The following CCDC14 variants were observed in gnomAD, a reference collection of about 807,000 sequenced individuals.
The protein encoded by CCDC14 is coiled-coil domain containing 14, also known as coiled-coil domain-containing protein 14.
Under a neutral mutation model 81.4 loss-of-function variants are expected in CCDC14, and 71 were observed. The observed-to-expected ratio is 0.87, with a 90% CI of 0.72 to 1.06. CCDC14 has a LOEUF of 1.06. Ranked by LOEUF, CCDC14 falls within the 50% of genes least tolerant of loss-of-function variation. The pLI is 0.00. For synonymous variants in CCDC14, 332 were observed against 364.8 expected, an observed-to-expected ratio of 0.91 and a Z score of 1.03; for missense variants, 1,046 against 1,047.3, an observed-to-expected ratio of 1.00 and a Z score of 0.02.
At chr3:123,932,469 A>G (rs573451335) in intron 10 of CCDC14, among the ~76,000 whole-genome samples, 3 of 152,240 alleles carry the variant, frequency 2.0e-5, no homozygotes, top group African/African-American at 7.2e-5. Context: ...ACATATTTAT[A>G]TATTAAGAAG....
At chr3:123,900,956 A>G (rs993504873) in intron 5 of CCDC14, among the ~76,000 whole-genome samples, 6 of 152,118 alleles carry the variant, frequency 3.9e-5, no homozygotes, top group Admixed American at 2.6e-4. Flanking sequence ...AGAGTAGGCC[A>G]GGCGCAGTGG....
chr3:123,893,214 C>T (rs72962714), downstream of CCDC14, among the ~76,000 whole-genome samples: 1,290 of 152,296 alleles, frequency 8.5e-3, 12 homozygotes, highest in African/African-American at 0.028. Flanking sequence ...AAACTTTGTA[C>T]ACATTAAGCA....
chr3:123,914,567 C>A lies in CCDC14; in HGVS notation c.*212G>T. ...CTTACAATAATTTCCTAGTTATCCA[C>A]AACTTTCTTCTTGTAGCAATTGTGA... On this transcript the variant is annotated 3_prime_UTR_variant, in exon 13 of 13. Transcript: ENST00000409697. The A allele has an allele frequency of 8.1e-7, 1 of 1,235,642 alleles. No individual in the cohort carries two copies. Among genetic ancestry groups the A allele is most frequent in the Non-Finnish European group, 1.0e-6 (1 of 988,332 alleles). 76.5% of individuals were successfully genotyped at this position (1,235,642 alleles called of 1,614,324 possible). A position where few individuals can be genotyped will look rare whatever the true frequency, so the allele number is the denominator to read the frequency against.
Position 123,931,231 on chromosome 3 carries a change from A to G in CCDC14, c.1649T>C (p.Leu550Ser), listed in dbSNP as rs1196313066. The change falls in exon 12 of 13, where the codon TTG (leucine) becomes TCG (serine). Residue 550 changes from leucine to serine, a missense_variant. Leu to Ser is a moderately radical substitution (Grantham distance 145, BLOSUM62 -2). Coordinates refer to ENST00000409697, the MANE Select transcript of CCDC14 (RefSeq NM_001366335.1). The part of the protein sequence containing the change: ...DIEITRIKIE[L>S]EEALVNVKSS... ...TTTCACATTGACTAGGGCTTCCTCCAATTCTAAAACAACAAAAGTTTCAGT... is the reference window on the plus strand; with the variant it reads ...TTTCACATTGACTAGGGCTTCCTCCGATTCTAAAACAACAAAAGTTTCAGT... 3 of 1,600,900 alleles carry G rather than the reference A, an allele frequency of 1.9e-6. No individual in the cohort carries two copies. In the Admixed American group the frequency reaches 5.3e-5, roughly 28 times the overall value.
At chr3:123,893,166 ACTAT>A (rs1190767354), downstream of CCDC14, among the ~76,000 whole-genome samples, 3 of 152,228 alleles carry the variant, frequency 2.0e-5, no homozygotes, top group African/African-American at 7.2e-5. Context: ...ATATTGTGTA[ACTAT>A]CTATTTCCAG....
chr3:123,918,089 G>C (rs1485855355), intron 12 of CCDC14, among the ~76,000 whole-genome samples: 1 of 152,046 alleles, frequency 6.6e-6, no homozygotes, highest in Non-Finnish European at 1.5e-5. Context: ...AAATAATCTA[G>C]ACTCAATATT....
chr3:123,885,547 C>T, the CCDC14 span, among the ~76,000 whole-genome samples: 4 of 151,448 alleles, frequency 2.6e-5, no homozygotes, highest in East Asian at 7.7e-4. Context: ...AACTTAAGCC[C>T]TTGATCTGTG....
intron 5 of CCDC14, among the ~76,000 whole-genome samples, chr3:123,899,514 C>T (rs1476279349): frequency 2.0e-5 from 3 of 152,228 alleles, no homozygotes; most frequent in Non-Finnish European, 2.9e-5. Context: ...ATGACACTGA[C>T]ACCCATCCAG....
intron 10 of CCDC14, among the ~76,000 whole-genome samples, chr3:123,932,349 T>G (rs930609008): frequency 6.6e-6 from 1 of 152,204 alleles, no homozygotes; most frequent in African/African-American, 2.4e-5. Context: ...CACCTTTGGT[T>G]AACAGTGGAG....
chr3:123,959,969 GA>G (rs1559813397), intron 1 of CCDC14, among the ~76,000 whole-genome samples: 1 of 151,900 alleles, frequency 6.6e-6, no homozygotes, highest in Non-Finnish European at 1.5e-5. Flanking sequence ...AACAAACCTG[GA>G]ATAAGCCTTT....
intron 1 of CCDC14, chr3:123,957,499 G>GTCTCTTTA (rs1347233007): frequency 6.6e-6 from 1 of 152,034 alleles, no homozygotes; most frequent in Non-Finnish European, 1.5e-5. Context: ...ACTCTACCCT[G>GTCTCTTTA]TCTCTTTATC....
the CCDC14 span, among the ~76,000 whole-genome samples, chr3:123,892,051 C>T: frequency 6.6e-6 from 1 of 152,200 alleles, no homozygotes; most frequent in South Asian, 2.1e-4. Flanking sequence ...ACCATCAGGT[C>T]TCGTGAGACC....
the CCDC14 span, among the ~76,000 whole-genome samples, chr3:123,886,850 C>A: frequency 2.6e-5 from 4 of 151,978 alleles, no homozygotes; most frequent in Non-Finnish European, 5.9e-5. Flanking sequence ...AAATATTATT[C>A]TTCATAATAT....
chr3:123,901,804 T>G (rs1237034306), intron 5 of CCDC14, among the ~76,000 whole-genome samples: 2 of 152,120 alleles, frequency 1.3e-5, no homozygotes, highest in African/African-American at 4.8e-5. Flanking sequence ...CCTTAAAAAC[T>G]GATAAGATGG....
At chr3:123,895,158 G>A (rs2034039675), downstream of CCDC14, among the ~76,000 whole-genome samples, 3 of 152,088 alleles carry the variant, frequency 2.0e-5, no homozygotes, top group Admixed American at 2.0e-4. Context: ...GGTGGGGAGG[G>A]GGTGCCCATT....
intron 9 of CCDC14, among the ~76,000 whole-genome samples, chr3:123,940,727 A>G (rs1319942925): frequency 2.0e-5 from 3 of 152,030 alleles, no homozygotes; most frequent in African/African-American, 7.2e-5. Context: ...TCCAGTGTCT[A>G]CAACAGTGCC....
intron 5 of CCDC14, 181 bp from the exon 6 acceptor site, chr3:123,949,313 G>T: frequency 1.8e-6 from 1 of 571,204 alleles, no homozygotes; most frequent in Non-Finnish European, 3.1e-6. Flanking sequence ...AAAGTAATTA[G>T]TGTTTAAGTT....
chr3:123,932,011 T>C (rs1429680153), intron 10 of CCDC14, among the ~76,000 whole-genome samples: 2 of 152,194 alleles, frequency 1.3e-5, no homozygotes, highest in African/African-American at 4.8e-5. Flanking sequence ...CATAAGACTG[T>C]TGTATACAAA....
chr3:123,927,249 T>TAA (rs34679177), intron 12 of CCDC14, among the ~76,000 whole-genome samples: 1,359 of 124,236 alleles, frequency 0.011, 13 homozygotes, highest in Middle Eastern at 0.034. Flanking sequence ...CTACTAAAAG[T>TAA]AAAAAAAAAA....
Sources: gnomAD v4.1 joint callset for allele counts (sites outside exome capture counted in the v4.1 genomes callset) on GRCh38, gnomAD v4.1.1 for gene constraint, MANE v1.5 for transcripts, NCBI Gene and HGNC (gene_info 2026-07-23, HGNC 2026-07-21) for gene names.